The following CDH13 variants were observed in gnomAD, a reference collection of about 807,000 sequenced individuals.
CDH13 encodes cadherin 13.
In CDH13, 24 loss-of-function variants were observed where a neutral mutation model predicts 63.8. The ratio of observed to expected loss-of-function variants is 0.38; its 90% CI spans 0.27 to 0.53. The LOEUF (loss-of-function observed/expected upper bound fraction) is 0.53. CDH13 is among the 20% of genes least tolerant of loss of function. The pLI is 0.85. For missense variants in CDH13, 1,049 were observed against 903.1 expected (o/e 1.16, Z -2.07); for synonymous variants, 503 against 355.3 (o/e 1.42, Z -4.67).
intron 5 of CDH13, among the ~76,000 whole-genome samples, chr16:83,316,877 G>T (rs1279629194): frequency 1.3e-5 from 2 of 152,054 alleles, no homozygotes; most frequent in East Asian, 3.9e-4. Context: ...CTTCATCTGG[G>T]CTGGGCTGGG....
chr16:83,310,313 G>C (rs945167154), intron 5 of CDH13, among the ~76,000 whole-genome samples: 13 of 152,196 alleles, frequency 8.5e-5, no homozygotes, highest in African/African-American at 2.4e-4. Context: ...TTGCATTTTT[G>C]ATAAGGTAAA....
At chr16:83,695,815 A>C (rs1004777439) in intron 10 of CDH13, among the ~76,000 whole-genome samples, 1 of 152,166 alleles carries the variant, frequency 6.6e-6, no homozygotes, top group East Asian at 1.9e-4. Flanking sequence ...TCCCTGTTCT[A>C]TAGATGAGGA....
At chr16:83,054,452 C>T (rs1437016028) in intron 3 of CDH13, among the ~76,000 whole-genome samples, 2 of 152,176 alleles carry the variant, frequency 1.3e-5, no homozygotes, top group Non-Finnish European at 2.9e-5. Flanking sequence ...TACACAGCTA[C>T]TGAGTAACTA....
chr16:83,774,519 C>T (rs970577379), intron 11 of CDH13, among the ~76,000 whole-genome samples: 9 of 152,068 alleles, frequency 5.9e-5, no homozygotes, highest in African/African-American at 1.7e-4. Flanking sequence ...ATTACAGGCA[C>T]GTGCCATCAT....
At chr16:82,852,005 A>C (rs1411371414) in intron 1 of CDH13, among the ~76,000 whole-genome samples, 1 of 152,192 alleles carries the variant, frequency 6.6e-6, no homozygotes, top group East Asian at 1.9e-4. Context: ...AAAGAGTTGG[A>C]GAGAGGAAAG....
chr16:83,766,030 A>G (rs1914357899), intron 11 of CDH13, among the ~76,000 whole-genome samples: 1 of 152,156 alleles, frequency 6.6e-6, no homozygotes, highest in Admixed American at 6.5e-5. Flanking sequence ...ATTAGCTCAC[A>G]TCTAAATTGT....
In CDH13 at chr16:83,193,452, C is replaced by G. The variant is rs555480196; in HGVS notation, c.484-23893C>G. Among the ~76,000 whole-genome samples, 5 of 152,302 alleles carry G rather than the reference C, an allele frequency of 3.3e-5. No homozygotes were observed. The South Asian group carries it at 6.2e-4, about 19-fold the overall frequency. On this transcript the variant is annotated intron_variant, in intron 4 of 13. Transcript: ENST00000567109. ...GGGAGAAGACACACATTGTATTTCT[C>G]TTCTCTTCATGGGGGTTACAGACTC...
Position 83,039,040 on chromosome 16 carries a change from C to T in CDH13, c.366+6822C>T, listed in dbSNP as rs574516172. Among the ~76,000 whole-genome samples the T allele has an allele frequency of 4.3e-4, 66 of 152,318 alleles. 1 individual carries two copies. The South Asian group carries it at 0.01, about 24-fold the overall frequency. On this transcript the variant is annotated intron_variant, in intron 3 of 13. Coordinates refer to ENST00000567109, the MANE Select transcript of CDH13 (RefSeq NM_001257.5). The stretch of plus-strand genomic sequence containing the variant: ...GAAACATGGAAGCCCACACACTAAA[C>T]AGTGGTAGAATTTAGATGCCTACGG...
At chr16:83,285,024 C>A (rs552758704) in intron 5 of CDH13, among the ~76,000 whole-genome samples, 3 of 152,204 alleles carry the variant, frequency 2.0e-5, no homozygotes, top group East Asian at 3.9e-4. Flanking sequence ...GTTCAGACAC[C>A]TTTTCTGCAC....
At chr16:83,474,414 A>G (rs1018382612) in intron 6 of CDH13, among the ~76,000 whole-genome samples, 19 of 152,128 alleles carry the variant, frequency 1.2e-4, no homozygotes, top group Non-Finnish European at 1.8e-4. Context: ...TTCCACTCTC[A>G]AGGCCCCACA....
chr16:83,335,104 A>T (rs1486309448), intron 5 of CDH13, among the ~76,000 whole-genome samples: 2 of 152,230 alleles, frequency 1.3e-5, no homozygotes, highest in Admixed American at 1.3e-4. Flanking sequence ...TTGCAAGATT[A>T]TCTGTTATAA....
intron 10 of CDH13, among the ~76,000 whole-genome samples, chr16:83,741,726 G>T (rs77137615): frequency 1.3e-5 from 2 of 152,222 alleles, no homozygotes; most frequent in African/African-American, 4.8e-5. Flanking sequence ...TGAAAGGAAA[G>T]CTATGCTCAG....
At chr16:83,292,244 A>G (rs2089483009) in intron 5 of CDH13, among the ~76,000 whole-genome samples, 1 of 152,206 alleles carries the variant, frequency 6.6e-6, no homozygotes. Flanking sequence ...ACTTAGTGGT[A>G]CTTTCTCCTT....
At chr16:83,323,210 C>A (rs1219812158) in intron 5 of CDH13, among the ~76,000 whole-genome samples, 1 of 145,094 alleles carries the variant, frequency 6.9e-6, no homozygotes, top group African/African-American at 2.6e-5. Flanking sequence ...TTCTTTCTTT[C>A]TTTCTTTCTT....
At chr16:83,534,100 G>A (rs1056160830) in intron 7 of CDH13, among the ~76,000 whole-genome samples, 2 of 152,028 alleles carry the variant, frequency 1.3e-5, no homozygotes, top group Admixed American at 6.6e-5. Context: ...AATGAAAACC[G>A]CATACCTGTT....
At chr16:82,991,192 A>G (rs1316665352) in intron 2 of CDH13, among the ~76,000 whole-genome samples, 2 of 152,250 alleles carry the variant, frequency 1.3e-5, no homozygotes, top group African/African-American at 4.8e-5. Context: ...TAATAGCAAC[A>G]TGTCTACCAA....
chr16:82,893,876 A>G (rs1164095805), intron 2 of CDH13, among the ~76,000 whole-genome samples: 2 of 151,802 alleles, frequency 1.3e-5, no homozygotes, highest in Non-Finnish European at 2.9e-5. Context: ...CCTTCCTTCC[A>G]CTGGTCCAAG....
At chr16:82,678,804 C>G (rs766070937) in intron 1 of CDH13, among the ~76,000 whole-genome samples, 1 of 152,168 alleles carries the variant, frequency 6.6e-6, no homozygotes, top group Non-Finnish European at 1.5e-5. Flanking sequence ...CTTAGGCAGT[C>G]TATCTCTTAG....
chr16:83,039,094 A>G (rs1364706808), intron 3 of CDH13, among the ~76,000 whole-genome samples: 1 of 152,206 alleles, frequency 6.6e-6, no homozygotes, highest in Non-Finnish European at 1.5e-5. Context: ...TGAACAAAGC[A>G]AAAGTCTCCC....
Sources: allele counts gnomAD v4.1 joint callset (sites outside exome capture counted in the v4.1 genomes callset), GRCh38; gene constraint gnomAD v4.1.1; transcripts MANE v1.5; gene names NCBI Gene and HGNC (gene_info 2026-07-23, HGNC 2026-07-21).